The following HDAC9 variants were observed in gnomAD, a reference collection of about 807,000 sequenced individuals.
HDAC9 encodes histone deacetylase 9, also known as MEF-2 interacting transcription repressor (MITR) protein.
In HDAC9, 41 loss-of-function variants were observed where a neutral mutation model predicts 139.4. That is an observed-to-expected ratio of 0.29 (90% CI 0.23 to 0.38). The LOEUF is 0.38. Ranked by LOEUF, HDAC9 falls within the 10% of genes least tolerant of loss-of-function variation. HDAC9 has a pLI of 1.00. For synonymous variants in HDAC9, 517 were observed against 476.2 expected, an observed-to-expected ratio of 1.09 and a Z score of -1.12; for missense variants, 1,147 against 1,297.0, an observed-to-expected ratio of 0.88 and a Z score of 1.78.
intron 22 of HDAC9, among the ~76,000 whole-genome samples, chr7:18,890,042 C>A (rs558925186): frequency 6.6e-6 from 1 of 152,302 alleles, no homozygotes; most frequent in Non-Finnish European, 1.5e-5. Flanking sequence ...AACTTACTTT[C>A]CCTTTTAGTG....
chr7:18,647,709 C>G, intron 9 of HDAC9, 76 bp from the exon 10 acceptor site: 1 of 1,262,296 alleles, frequency 7.9e-7, no homozygotes, highest in South Asian at 1.5e-5. Flanking sequence ...GCATAGGAAA[C>G]TTGTCTAATG....
intron 13 of HDAC9, among the ~76,000 whole-genome samples, chr7:18,735,184 G>T (rs1218385552): frequency 6.6e-6 from 1 of 152,162 alleles, no homozygotes; most frequent in African/African-American, 2.4e-5. Flanking sequence ...CATTCTGTAG[G>T]TTGCCTGTTC....
intron 1 of HDAC9, among the ~76,000 whole-genome samples, chr7:18,330,147 T>C (rs1348298582): frequency 6.6e-6 from 1 of 151,642 alleles, no homozygotes. Flanking sequence ...CAAATGAAGA[T>C]TTAGATTGTG....
rs56020648 is a variant in HDAC9 at position 18,307,097 on chromosome 7, T to TTGTGTGTGTGTGTG, written c.-42+16616_-42+16629dup. 3.7e-4 allele frequency among the ~76,000 whole-genome samples: 50 copies of TTGTGTGTGTGTGTG among 134,878 alleles called. No homozygotes were observed. The South Asian group carries it at 5.2e-3, about 14-fold the overall frequency. 88.5% of individuals were successfully genotyped at this position (134,878 alleles called of 152,430 possible). ...CCCTTCAGCTACAGGAGGGCAGTTC[T>TTGTGTGTGTGTGTG]TGTGTGTGTGTGTGTGTGTGTGTGT... On this transcript the variant is annotated intron_variant, in intron 1 of 3. Coordinates refer to the HDAC9 transcript ENST00000413509.
At chr7:18,307,097 TTGTGTGTGTGTGTG>T (rs56020648) in intron 1 of HDAC9, among the ~76,000 whole-genome samples, 69 of 134,848 alleles carry the variant, frequency 5.1e-4, no homozygotes, top group South Asian at 2.7e-3. Flanking sequence ...AGGGCAGTTC[TTGTGTGTGTGTGTG>T]TGTGTGTGTG....
chr7:18,152,635 G>T (rs1055712055), intron 1 of HDAC9, among the ~76,000 whole-genome samples: 1 of 152,084 alleles, frequency 6.6e-6, no homozygotes, highest in African/African-American at 2.4e-5. Context: ...GAAATCACTG[G>T]TATGAAATCT....
At chr7:18,732,359 C>T (rs1437956111) in intron 13 of HDAC9, among the ~76,000 whole-genome samples, 1 of 151,952 alleles carries the variant, frequency 6.6e-6, no homozygotes, top group Non-Finnish European at 1.5e-5. Flanking sequence ...ACTTTTTACT[C>T]TATAAGCTTC....
intron 1 of HDAC9, among the ~76,000 whole-genome samples, chr7:18,131,944 G>A (rs924974966): frequency 2.0e-5 from 3 of 152,152 alleles, no homozygotes; most frequent in East Asian, 1.9e-4. Context: ...AGAGGCTGGC[G>A]TCAAGTATTT....
chr7:18,107,530 GCA>G (rs142747684), intron 1 of HDAC9, among the ~76,000 whole-genome samples: 2 of 150,086 alleles, frequency 1.3e-5, no homozygotes, highest in Middle Eastern at 3.4e-3. Context: ...TCTCTCACAC[GCA>G]CACACACACA....
At chr7:18,915,961 C>T (rs1391979810) in intron 22 of HDAC9, among the ~76,000 whole-genome samples, 4 of 148,750 alleles carry the variant, frequency 2.7e-5, no homozygotes, top group South Asian at 2.1e-4. Flanking sequence ...GTTAAGGCTT[C>T]GCATCAGCCT....
intron 12 of HDAC9, among the ~76,000 whole-genome samples, chr7:18,673,320 A>C (rs531772528): frequency 6.6e-6 from 1 of 152,144 alleles, no homozygotes; most frequent in African/African-American, 2.4e-5. Context: ...CTTAGCTTTG[A>C]TCTTCATGCC....
intron 19 of HDAC9, among the ~76,000 whole-genome samples, chr7:18,835,082 T>A (rs1363630443): frequency 6.6e-6 from 1 of 152,074 alleles, no homozygotes. Flanking sequence ...GTCATAAAAT[T>A]CCTCCATAAA....
In HDAC9 at chr7:18,163,046, C is replaced by A. The variant is rs113418038; in HGVS notation, c.25+697C>A. On this transcript the variant is annotated intron_variant, in intron 2 of 12. Coordinates refer to the HDAC9 transcript ENST00000417496. Reference sequence around the variant, plus strand: ...CAAGAATTTTCTGCTTGGATACTTACAGAAGCATTTATTTCTTTATAGATT... The same window carrying A: ...CAAGAATTTTCTGCTTGGATACTTAAAGAAGCATTTATTTCTTTATAGATT... 6.6e-5 allele frequency among the ~76,000 whole-genome samples: 10 copies of A among 152,272 alleles called. No individual in the cohort carries two copies. In the East Asian group the frequency reaches 1.9e-3, roughly 29 times the overall value.
intron 17 of HDAC9, among the ~76,000 whole-genome samples, chr7:18,812,026 C>A (rs1398590947): frequency 6.6e-6 from 1 of 151,822 alleles, no homozygotes; most frequent in African/African-American, 2.4e-5. Context: ...ACTTTGTCAT[C>A]TCTAGATTAT....
At chr7:18,925,816 T>C (rs1429535681) in intron 22 of HDAC9, among the ~76,000 whole-genome samples, 1 of 151,908 alleles carries the variant, frequency 6.6e-6, no homozygotes, top group Non-Finnish European at 1.5e-5. Context: ...TTGGCCACAA[T>C]GTCTTTTTTA....
intron 16 of HDAC9, among the ~76,000 whole-genome samples, chr7:18,770,630 G>A (rs894229020): frequency 1.3e-5 from 2 of 152,126 alleles, no homozygotes; most frequent in Non-Finnish European, 2.9e-5. Flanking sequence ...CGGCTTTTGA[G>A]TTGTCATTTA....
intron 15 of HDAC9, among the ~76,000 whole-genome samples, chr7:18,765,864 T>G (rs1789788558): frequency 6.6e-6 from 1 of 152,220 alleles, no homozygotes; most frequent in Non-Finnish European, 1.5e-5. Flanking sequence ...TGATTTTTAT[T>G]TGTAATTCTA....
intron 1 of HDAC9, among the ~76,000 whole-genome samples, chr7:18,350,329 G>A (rs1179717000): frequency 6.6e-6 from 1 of 152,090 alleles, no homozygotes; most frequent in Non-Finnish European, 1.5e-5. Context: ...ATGGATTCAG[G>A]AGCTAATTGT....
At chr7:18,871,600 T>C (rs1798921229) in intron 21 of HDAC9, among the ~76,000 whole-genome samples, 1 of 152,340 alleles carries the variant, frequency 6.6e-6, no homozygotes, top group African/African-American at 2.4e-5. Context: ...CTTTGTTTGC[T>C]AACTTTAATC....
Sources: allele counts gnomAD v4.1 joint callset (sites outside exome capture counted in the v4.1 genomes callset), GRCh38; gene constraint gnomAD v4.1.1; transcripts MANE v1.5; gene names NCBI Gene and HGNC (gene_info 2026-07-23, HGNC 2026-07-21).